CSNK1A1: variants seen among roughly 807,000 people sequenced by gnomAD.
CSNK1A1 encodes casein kinase I isoform alpha.
A neutral mutation model predicts 46.1 loss-of-function variants in CSNK1A1; 7 were observed. The observed-to-expected ratio is 0.15, with a 90% CI of 0.09 to 0.29. CSNK1A1 has a LOEUF of 0.29. Ranked by LOEUF, CSNK1A1 falls within the 10% of genes least tolerant of loss-of-function variation. The pLI is 1.00. For synonymous variants in CSNK1A1, 137 were observed against 141.5 expected, an observed-to-expected ratio of 0.97 and a Z score of 0.23; for missense variants, 96 against 417.1, an observed-to-expected ratio of 0.23 and a Z score of 6.71.
chr5:149,519,100 A>G (rs1413607270), intron 4 of CSNK1A1, among the ~76,000 whole-genome samples: 3 of 152,194 alleles, frequency 2.0e-5, no homozygotes, highest in Non-Finnish European at 4.4e-5. Flanking sequence ...GCAACTTGGG[A>G]ATGACAAGAT....
intron 9 of CSNK1A1, chr5:149,503,075 C>T (rs1760922893): frequency 2.0e-6 from 2 of 985,232 alleles, no homozygotes; most frequent in Non-Finnish European, 2.4e-6. Context: ...TGAGTTATTC[C>T]TTAAATAAAG....
chr5:149,511,960 C>CCTCCT, intron 5 of CSNK1A1, 88 bp from the exon 6 acceptor site: 7 of 988,562 alleles, frequency 7.1e-6, no homozygotes, highest in Non-Finnish European at 9.2e-6. Flanking sequence ...AGAAATGTTC[C>CCTCCT]CAAATGAGGA....
At position 149,550,286 on chromosome 5, in the gene CSNK1A1, G is replaced by T; in HGVS notation, c.124-105C>A. 1 of 1,501,998 alleles carries T rather than the reference G, an allele frequency of 6.7e-7. No individual in the cohort carries two copies. The allele number at this position is 1,501,998 out of a possible 1,614,324, so 93.0% of individuals were successfully genotyped here. On this transcript the variant is annotated intron_variant, in intron 1 of 9. Coordinates refer to ENST00000377843, the MANE Select transcript of CSNK1A1 (RefSeq NM_001892.6). This position sits in a 1 kb window ranked among gnomAD's most constrained non-coding sequence, Gnocchi z 4.3. ...AAACTCCAAGTCGCGACTACAAGAA[G>T]AAGTGAAAAGCTGGAAAGAGAAAGC...
chr5:149,549,760 G>A (rs1580871510), intron 2 of CSNK1A1, among the ~76,000 whole-genome samples: 1 of 152,240 alleles, frequency 6.6e-6, no homozygotes, highest in Admixed American at 6.5e-5. Flanking sequence ...CAGAAGTGCC[G>A]CCGTAAAAAA....
At chr5:149,498,830 C>T (rs1320079427) in intron 9 of CSNK1A1, 1 of 985,276 alleles carries the variant, frequency 1.0e-6, no homozygotes, top group Non-Finnish European at 1.2e-6. Context: ...GCTACATTGT[C>T]AGTCAAAATA....
At chr5:149,532,748 A>T (rs1389646479) in intron 2 of CSNK1A1, among the ~76,000 whole-genome samples, 2 of 152,206 alleles carry the variant, frequency 1.3e-5, no homozygotes, top group Non-Finnish European at 2.9e-5. Context: ...GCTAAAACTC[A>T]TGAGGTTTCC....
chr5:149,515,096 A>C (rs1308329578), intron 4 of CSNK1A1, among the ~76,000 whole-genome samples: 1 of 152,246 alleles, frequency 6.6e-6, no homozygotes, highest in Non-Finnish European at 1.5e-5. Flanking sequence ...TAGTGAAAAG[A>C]AAACATGGGG....
At chr5:149,549,332 GAGTA>G in intron 2 of CSNK1A1, 1 of 609,874 alleles carries the variant, frequency 1.6e-6, no homozygotes, top group South Asian at 1.8e-5. Flanking sequence ...CGAAAAGAAA[GAGTA>G]ATTAACACTT....
In CSNK1A1 at chr5:149,525,279, C is replaced by T. The variant is rs533897294; in HGVS notation, c.231-108G>A. On this transcript the variant is annotated intron_variant, in intron 2 of 9. Coordinates refer to ENST00000377843, the MANE Select transcript of CSNK1A1 (RefSeq NM_001892.6). This position sits in a 1 kb window ranked among gnomAD's most constrained non-coding sequence, Gnocchi z 4.2. ...TTCACTGACTAGGTATTATATAAGG[C>T]GAATGTTCCCCTACTCAGAAGACAA... 5.4e-6 allele frequency: 6 copies of T among 1,116,430 alleles called. No individual in the cohort carries two copies. Among genetic ancestry groups the T allele is most frequent in the East Asian group, 2.8e-5 (1 of 35,544 alleles). 69.2% of individuals were successfully genotyped at this position (1,116,430 alleles called of 1,614,324 possible).
intron 2 of CSNK1A1, among the ~76,000 whole-genome samples, chr5:149,541,158 GT>G (rs111502460): frequency 2.4e-4 from 34 of 141,234 alleles, no homozygotes; most frequent in South Asian, 1.8e-3. Context: ...AACCAATTTT[GT>G]TTTTTTTTTT....
chr5:149,535,457 G>A (rs535734908), intron 2 of CSNK1A1, among the ~76,000 whole-genome samples: 1 of 152,082 alleles, frequency 6.6e-6, no homozygotes, highest in East Asian at 1.9e-4. Flanking sequence ...CTAAAATTGG[G>A]CCCCCTTCCT....
chr5:149,537,585 A>C (rs1038234629), intron 2 of CSNK1A1, among the ~76,000 whole-genome samples: 2 of 151,674 alleles, frequency 1.3e-5, no homozygotes, highest in African/African-American at 2.4e-5. Context: ...AATTACATTA[A>C]AAACAAACAA....
Position 149,551,332 on chromosome 5 carries a change from G to A in CSNK1A1, c.-368C>T. On this transcript the variant is annotated 5_prime_UTR_variant, in exon 1 of 10. Transcript: ENST00000377843. ...ACTGCCGCCGGCTCCGGCCCAGAGG[G>A]ACCCCTGTCACTCCGCGGACGACGC... 4.5e-6 allele frequency: 1 copy of A among 220,454 alleles called. No individual in the cohort carries two copies. Among genetic ancestry groups the A allele is most frequent in the Non-Finnish European group, 9.2e-6 (1 of 108,584 alleles). The allele number at this position is 220,454 out of a possible 1,614,324, so 13.7% of individuals were successfully genotyped here.
chr5:149,545,515 C>T (rs968822342), intron 2 of CSNK1A1: 69 of 632,722 alleles, frequency 1.1e-4, no homozygotes, highest in Non-Finnish European at 1.6e-4. Flanking sequence ...CTTGGCAATG[C>T]GGACACAAGC....
intron 9 of CSNK1A1, chr5:149,504,120 C>T: frequency 1.0e-6 from 1 of 985,428 alleles, no homozygotes; most frequent in Non-Finnish European, 1.2e-6. Flanking sequence ...ACTATCCCAA[C>T]TGAGATGCAG....
rs1158458419 is a variant in CSNK1A1 at position 149,496,591 on chromosome 5, A to G, written c.*262T>C. ...TGTCAACCATTTAGTTAACTTTTCC[A>G]CTTGAAAAAATGCAATAGAAAACCG... On this transcript the variant is annotated 3_prime_UTR_variant, in exon 10 of 10. Transcript: ENST00000377843. 2.3e-6 allele frequency: 1 copy of G among 428,162 alleles called. No homozygotes were observed. The highest frequency in any genetic ancestry group is 4.1e-6 in the Non-Finnish European group (1 of 246,166). 26.5% of individuals were successfully genotyped at this position (428,162 alleles called of 1,614,324 possible).
chr5:149,533,008 C>T (rs183619417), intron 2 of CSNK1A1, among the ~76,000 whole-genome samples: 3 of 152,240 alleles, frequency 2.0e-5, no homozygotes, highest in Admixed American at 6.5e-5. Flanking sequence ...TTTGTTTTCC[C>T]TCTTCTTGCT....
rs1165505782 is a variant in CSNK1A1 at position 149,550,541 on chromosome 5, A to C, written c.123+301T>G. Among the ~76,000 whole-genome samples, 1 of 151,990 alleles carries C rather than the reference A, an allele frequency of 6.6e-6. No individual in the cohort carries two copies. Among genetic ancestry groups the C allele is most frequent in the African/African-American group, 2.4e-5 (1 of 41,382 alleles). On this transcript the variant is annotated intron_variant, in intron 1 of 9. Transcript: ENST00000377843. The surrounding 1 kb of genome is among the most constrained non-coding windows in gnomAD (Gnocchi z 4.3). ...AAAAAAAAAAACATGGGAATCACTG[A>C]AAGAGGATTTTGCCGTTTCCACCTT...
chr5:149,497,557 A>G, intron 9 of CSNK1A1: 1 of 985,410 alleles, frequency 1.0e-6, no homozygotes, highest in Non-Finnish European at 1.2e-6. Flanking sequence ...GCCCTAGGCC[A>G]AGTTTGAATA....
Sources: allele counts gnomAD v4.1 joint callset (sites outside exome capture counted in the v4.1 genomes callset), GRCh38; gene constraint gnomAD v4.1.1; non-coding constraint Gnocchi (gnomAD v3.1); transcripts MANE v1.5; gene names NCBI Gene and HGNC (gene_info 2026-07-23, HGNC 2026-07-21).